The following UBE2E2 variants were observed in gnomAD, a reference collection of about 807,000 sequenced individuals.
The protein encoded by UBE2E2 is ubiquitin-conjugating enzyme E2 E2.
A neutral mutation model predicts 24.7 loss-of-function variants in UBE2E2; 6 were observed. The ratio of observed to expected loss-of-function variants is 0.24; its 90% CI spans 0.13 to 0.48. UBE2E2 has a LOEUF of 0.48. Ranked by LOEUF, UBE2E2 falls within the 20% of genes least tolerant of loss-of-function variation. UBE2E2 has a pLI of 0.99. For missense variants in UBE2E2, 169 were observed against 245.0 expected, an observed-to-expected ratio of 0.69 and a Z score of 2.07; for synonymous variants, 104 against 83.6, an observed-to-expected ratio of 1.24 and a Z score of -1.33.
chr3:23,527,581 G>A (rs929778595), intron 4 of UBE2E2, among the ~76,000 whole-genome samples: 55 of 152,176 alleles, frequency 3.6e-4, no homozygotes, highest in African/African-American at 1.3e-3. Context: ...TTGCCATCAT[G>A]TCACAATCAT....
intron 3 of UBE2E2, among the ~76,000 whole-genome samples, chr3:23,438,964 A>G (rs1300741990): frequency 1.3e-5 from 2 of 152,354 alleles, no homozygotes; most frequent in East Asian, 1.9e-4. Flanking sequence ...AACACACTAC[A>G]TAATGGTTAA....
chr3:23,222,411 C>G (rs905627088), intron 3 of UBE2E2, among the ~76,000 whole-genome samples: 1 of 152,164 alleles, frequency 6.6e-6, no homozygotes, highest in African/African-American at 2.4e-5. Flanking sequence ...TGAATTGTAG[C>G]TCCCATAATT....
chr3:23,440,001 G>A (rs993124889), intron 3 of UBE2E2, among the ~76,000 whole-genome samples: 3 of 151,292 alleles, frequency 2.0e-5, no homozygotes, highest in Non-Finnish European at 4.4e-5. Context: ...GCTGGGCATT[G>A]TGTATCACGC....
chr3:23,414,469 C>T (rs866973654), intron 3 of UBE2E2, among the ~76,000 whole-genome samples: 7 of 152,212 alleles, frequency 4.6e-5, no homozygotes, highest in South Asian at 2.1e-4. Flanking sequence ...GGATCCACCT[C>T]CACAATCGAG....
intron 5 of UBE2E2, among the ~76,000 whole-genome samples, chr3:23,588,188 A>T (rs1437590294): frequency 6.6e-6 from 1 of 151,988 alleles, no homozygotes; most frequent in Non-Finnish European, 1.5e-5. Flanking sequence ...TTTTTTTCCT[A>T]CCAAACATTA....
At chr3:23,532,531 T>C (rs1428338764) in intron 4 of UBE2E2, 23 bp from the exon 5 acceptor site, 3 of 1,495,750 alleles carry the variant, frequency 2.0e-6, no homozygotes, top group Admixed American at 3.5e-5. Flanking sequence ...TCTAACAAAA[T>C]ATAACTTTAC....
chr3:23,352,136 G>A (rs1332424007), intron 3 of UBE2E2, among the ~76,000 whole-genome samples: 3 of 152,064 alleles, frequency 2.0e-5, no homozygotes, highest in Non-Finnish European at 4.4e-5. Flanking sequence ...AATGACTACT[G>A]GGTACATAAC....
chr3:23,251,119 C>G (rs554402409), intron 3 of UBE2E2, among the ~76,000 whole-genome samples: 1 of 152,312 alleles, frequency 6.6e-6, no homozygotes, highest in East Asian at 1.9e-4. Flanking sequence ...TCTCCCAAAG[C>G]ACTGGGATTA....
intron 3 of UBE2E2, among the ~76,000 whole-genome samples, chr3:23,332,807 C>T (rs1017032357): frequency 1.3e-5 from 2 of 151,832 alleles, no homozygotes. Flanking sequence ...GAAATCACTT[C>T]TAGATGCCAA....
chr3:23,441,121 G>T (rs1553611587), intron 3 of UBE2E2, among the ~76,000 whole-genome samples: 1 of 152,124 alleles, frequency 6.6e-6, no homozygotes, highest in Non-Finnish European at 1.5e-5. Flanking sequence ...ATTTGACCTG[G>T]TGTTGTGTCA....
At chr3:23,229,061 CTT>C (rs1438949324) in intron 3 of UBE2E2, among the ~76,000 whole-genome samples, 1 of 152,202 alleles carries the variant, frequency 6.6e-6, no homozygotes, top group Non-Finnish European at 1.5e-5. Flanking sequence ...GATTACAACT[CTT>C]TTACCCGTTT....
chr3:23,388,684 A>G (rs1286481553), intron 3 of UBE2E2, among the ~76,000 whole-genome samples: 1 of 152,108 alleles, frequency 6.6e-6, no homozygotes, highest in African/African-American at 2.4e-5. Flanking sequence ...GTATTTTTTA[A>G]AAAAAATATT....
At chr3:23,380,300 G>A (rs1696637656) in intron 3 of UBE2E2, among the ~76,000 whole-genome samples, 1 of 152,198 alleles carries the variant, frequency 6.6e-6, no homozygotes, top group Non-Finnish European at 1.5e-5. Flanking sequence ...GCTCACTGCA[G>A]CCTGGAGCTC....
At chr3:23,299,753 A>G (rs1337757083) in intron 3 of UBE2E2, among the ~76,000 whole-genome samples, 15 of 152,118 alleles carry the variant, frequency 9.9e-5, no homozygotes, top group African/African-American at 2.4e-4. Flanking sequence ...AAAAGAATGT[A>G]TACTCTGTTG....
At chr3:23,353,337 G>T (rs1453855737) in intron 3 of UBE2E2, among the ~76,000 whole-genome samples, 7 of 151,938 alleles carry the variant, frequency 4.6e-5, no homozygotes, top group Admixed American at 1.3e-4. Flanking sequence ...AGACAGGGAT[G>T]CCCTCTCTCA....
intron 3 of UBE2E2, among the ~76,000 whole-genome samples, chr3:23,338,212 C>T (rs1172238127): frequency 6.6e-6 from 1 of 152,040 alleles, no homozygotes; most frequent in Non-Finnish European, 1.5e-5. Flanking sequence ...CTAACTGGCT[C>T]ATTAAAAACT....
chr3:23,294,133 A>G (rs1698842942), intron 3 of UBE2E2, among the ~76,000 whole-genome samples: 1 of 152,236 alleles, frequency 6.6e-6, no homozygotes, highest in Non-Finnish European at 1.5e-5. Context: ...CGCAAGAATA[A>G]TTGTGTAGTT....
At chr3:23,510,394 G>T (rs1694568193) in intron 4 of UBE2E2, among the ~76,000 whole-genome samples, 1 of 152,058 alleles carries the variant, frequency 6.6e-6, no homozygotes, top group Admixed American at 6.6e-5. Flanking sequence ...ATCAGTTGAG[G>T]TTAGGAGTTT....
chr3:23,303,806 G>T (rs991739825), intron 3 of UBE2E2, among the ~76,000 whole-genome samples: 6 of 152,174 alleles, frequency 3.9e-5, no homozygotes, highest in African/African-American at 1.2e-4. Flanking sequence ...ACTCAAGTCT[G>T]TTGAAGTATA....
Sources: allele counts gnomAD v4.1 joint callset (sites outside exome capture counted in the v4.1 genomes callset), GRCh38; gene constraint gnomAD v4.1.1; transcripts MANE v1.5; gene names NCBI Gene and HGNC (gene_info 2026-07-23, HGNC 2026-07-21).